CHL1: variants seen among roughly 807,000 people sequenced by gnomAD.
The protein encoded by CHL1 is neural cell adhesion molecule L1-like protein.
CHL1 carries 96 observed loss-of-function variants against 141.9 expected under a neutral mutation model. The observed-to-expected ratio is 0.68, with a 90% CI of 0.57 to 0.80. CHL1 has a LOEUF of 0.80. Among genes scored for constraint, CHL1 ranks in the 30% least tolerant of loss-of-function variants. The pLI is 0.00. For missense variants in CHL1, 1,820 were observed against 1,457.2 expected (o/e 1.25, Z -4.05); for synonymous variants, 613 against 502.2 (o/e 1.22, Z -2.95).
intron 2 of CHL1, among the ~76,000 whole-genome samples, chr3:259,488 G>A (rs1694504454): frequency 1.3e-5 from 2 of 152,068 alleles, no homozygotes; most frequent in Admixed American, 6.6e-5. Context: ...TCCTTAGCCT[G>A]TTTTTAAAAA....
Position 407,287 on chromosome 3 carries a change from T to C in CHL1, c.*1576T>C, listed in dbSNP as rs1007537510. 3 of 152,130 alleles carry C rather than the reference T, an allele frequency of 2.0e-5. No individual in the cohort carries two copies. The highest frequency in any genetic ancestry group is 7.2e-5 in the African/African-American group (3 of 41,428). 9.4% of individuals were successfully genotyped at this position (152,130 alleles called of 1,614,324 possible). A position where few individuals can be genotyped will look rare whatever the true frequency, so the allele number is the denominator to read the frequency against. ...TTATATCCTCAACTTGGATTTATGG[T>C]AACCCCTTATAGTTCATGGAGACCA... On this transcript the variant is annotated 3_prime_UTR_variant, in exon 28 of 28. Coordinates refer to ENST00000256509, the MANE Select transcript of CHL1 (RefSeq NM_006614.4).
chr3:358,385 C>A (rs1427698683), intron 11 of CHL1, among the ~76,000 whole-genome samples: 1 of 152,112 alleles, frequency 6.6e-6, no homozygotes, highest in Non-Finnish European at 1.5e-5. Flanking sequence ...TTACATTGAG[C>A]CCACTTGGGT....
chr3:394,775 G>C lies in CHL1; in HGVS notation c.2997G>C (p.Leu999=), dbSNP rs2106400572. The change falls in exon 24 of 28, where the codon CTG becomes CTC. Residue 999 remains leucine (L), a synonymous_variant. Transcript: ENST00000256509. ...AGCCCAGCTGGCACCTCTCAAACCT[G>C]AATGCAACTACCAAGTACAAATTCT... The part of the protein sequence containing the change: ...PSKPSWHLSN[L]NATTKYKFYL... The C allele has an allele frequency of 6.2e-7, 1 of 1,613,908 alleles. No homozygotes were observed. The highest frequency in any genetic ancestry group is 8.5e-7 in the Non-Finnish European group (1 of 1,179,888).
At chr3:267,338 C>T in intron 2 of CHL1, among the ~76,000 whole-genome samples, 1 of 152,176 alleles carries the variant, frequency 6.6e-6, no homozygotes, top group Non-Finnish European at 1.5e-5. Context: ...GCCCTCATAG[C>T]AACTTCCTCT....
intron 1 of CHL1, among the ~76,000 whole-genome samples, chr3:229,952 T>C (rs542793034): frequency 6.6e-6 from 1 of 152,170 alleles, no homozygotes; most frequent in Non-Finnish European, 1.5e-5. Flanking sequence ...TCTCCTTGTC[T>C]GTGCAGCTGT....
intron 1 of CHL1, among the ~76,000 whole-genome samples, chr3:202,479 T>G (rs536505562): frequency 1.3e-5 from 2 of 152,358 alleles, no homozygotes; most frequent in East Asian, 3.9e-4. Context: ...TAGGCTTGGC[T>G]GAAATTAGAA....
chr3:213,789 T>A (rs1700082053), intron 1 of CHL1: 1 of 152,206 alleles, frequency 6.6e-6, no homozygotes, highest in South Asian at 2.1e-4. Context: ...AATGATTATT[T>A]CTCTGAAGCA....
chr3:197,723 C>T (rs1698480430), intron 1 of CHL1: 2 of 448,962 alleles, frequency 4.5e-6, no homozygotes, highest in South Asian at 1.6e-5. Flanking sequence ...CAGAGAGGGG[C>T]TAGAGCTCCA....
chr3:290,876 T>C (rs555371253), intron 2 of CHL1, among the ~76,000 whole-genome samples: 141 of 148,934 alleles, frequency 9.5e-4, no homozygotes, highest in African/African-American at 3.4e-3. Flanking sequence ...ACAGAGGTTG[T>C]GGTGAGCAGA....
intron 5 of CHL1, 97 bp from the exon 6 acceptor site, chr3:340,697 A>G (rs1702280544): frequency 9.8e-7 from 1 of 1,020,290 alleles, no homozygotes. Context: ...ATTTATTTAA[A>G]TTGCTGAATT....
chr3:234,191 GTGTA>G (rs1452454053), intron 1 of CHL1, among the ~76,000 whole-genome samples: 27 of 143,648 alleles, frequency 1.9e-4, no homozygotes, highest in African/African-American at 6.3e-4. Context: ...ATGTGTGTGT[GTGTA>G]TATATATATA....
In CHL1 at chr3:204,321, G is replaced by C. The variant is rs143655615; in HGVS notation, c.-175+7258G>C. Among the ~76,000 whole-genome samples, 3 of 152,324 alleles carry C rather than the reference G, an allele frequency of 2.0e-5. No individual in the cohort carries two copies. In the East Asian group the frequency reaches 5.8e-4, roughly 29 times the overall value. ...TAGTTATGATGCCTGGGAAAGCGGA[G>C]ATACACTCAAATGTCAGTCTGGCAG... On this transcript the variant is annotated intron_variant, in intron 1 of 27. Transcript: ENST00000256509.
chr3:400,928 G>T (rs1333834811), intron 26 of CHL1, among the ~76,000 whole-genome samples: 2 of 96,028 alleles, frequency 2.1e-5, no homozygotes, highest in Non-Finnish European at 4.1e-5. Context: ...TTGAGACAAG[G>T]TCTTGTTCTG....
chr3:369,668 C>A (rs899539825), intron 15 of CHL1, among the ~76,000 whole-genome samples: 1 of 152,156 alleles, frequency 6.6e-6, no homozygotes, highest in Non-Finnish European at 1.5e-5. Flanking sequence ...GCATCCTTGT[C>A]TTGTACTAGT....
At chr3:368,575 G>A (rs561663836) in intron 15 of CHL1, among the ~76,000 whole-genome samples, 1 of 152,292 alleles carries the variant, frequency 6.6e-6, no homozygotes, top group Admixed American at 6.5e-5. Flanking sequence ...TTCTTTTGCT[G>A]TGCAGAAGTG....
Position 301,140 on chromosome 3 carries a change from T to G in CHL1, c.-94-18543T>G, listed in dbSNP as rs138361707. On this transcript the variant is annotated intron_variant, in intron 2 of 27. Coordinates refer to ENST00000256509, the MANE Select transcript of CHL1 (RefSeq NM_006614.4). The stretch of plus-strand genomic sequence containing the variant: ...TTACATGAGCAATACAGATAGGAAG[T>G]GCTGAGGAATCAAAGTAGAGGTAGA... Among the ~76,000 whole-genome samples the G allele has an allele frequency of 7.5e-4, 114 of 152,248 alleles. 1 individual carries two copies. Among genetic ancestry groups the G allele is most frequent in the African/African-American group, 2.6e-3 (109 of 41,554 alleles).
intron 5 of CHL1, among the ~76,000 whole-genome samples, chr3:332,730 G>A (rs895044102): frequency 1.3e-5 from 2 of 152,156 alleles, no homozygotes; most frequent in Non-Finnish European, 2.9e-5. Context: ...TTCTGGATTA[G>A]AAAGTATTGC....
At chr3:356,704 G>A (rs1049553949) in intron 11 of CHL1, among the ~76,000 whole-genome samples, 1 of 152,186 alleles carries the variant, frequency 6.6e-6, no homozygotes, top group African/African-American at 2.4e-5. Flanking sequence ...GGAAAGTGCT[G>A]TCTCAGTGGA....
In CHL1 at chr3:291,319, T is replaced by C. The variant is rs539627796; in HGVS notation, c.-94-28364T>C. ...TATTAGCATTACTATATTTCCTTAT[T>C]ATTGCAAATGTATTCTACCCAGGTC... On this transcript the variant is annotated intron_variant, in intron 2 of 27. Coordinates refer to ENST00000256509, the MANE Select transcript of CHL1 (RefSeq NM_006614.4). Among the ~76,000 whole-genome samples, 5 of 152,298 alleles carry C rather than the reference T, an allele frequency of 3.3e-5. No individual in the cohort carries two copies. In the South Asian group the frequency reaches 6.2e-4, roughly 19 times the overall value.
Sources: gnomAD v4.1 joint callset for allele counts (sites outside exome capture counted in the v4.1 genomes callset) on GRCh38, gnomAD v4.1.1 for gene constraint, MANE v1.5 for transcripts, NCBI Gene and HGNC (gene_info 2026-07-23, HGNC 2026-07-21) for gene names.